Variants in CLIC5 observed in about 807,000 individuals in gnomAD.
CLIC5 encodes CLIC family member 5, also known as chloride intracellular channel protein 5.
A neutral mutation model predicts 24.7 loss-of-function variants in CLIC5; 20 were observed. The ratio of observed to expected loss-of-function variants is 0.81; its 90% confidence interval spans 0.57 to 1.18. CLIC5 has a LOEUF of 1.18. CLIC5 is among the 50% of genes most tolerant of loss of function. The pLI is 0.00. For missense variants in CLIC5, 341 were observed against 326.1 expected (o/e 1.05, Z -0.35); for synonymous variants, 159 against 135.6 (o/e 1.17, Z -1.20).
intron 1 of CLIC5, among the ~76,000 whole-genome samples, chr6:46,074,181 G>A (rs1159478874): frequency 6.6e-6 from 1 of 152,050 alleles, no homozygotes; most frequent in Non-Finnish European, 1.5e-5. Flanking sequence ...ATATACTACT[G>A]TAAGAGTACA....
At chr6:45,975,163 C>T (rs147512978) in intron 1 of CLIC5, among the ~76,000 whole-genome samples, 132 of 152,222 alleles carry the variant, frequency 8.7e-4, no homozygotes, top group African/African-American at 2.9e-3. Flanking sequence ...TTTACTTGTG[C>T]CTCCAAAGGC....
chr6:45,957,390 G>T (rs1764680617), intron 1 of CLIC5, among the ~76,000 whole-genome samples: 1 of 152,158 alleles, frequency 6.6e-6, no homozygotes, highest in Non-Finnish European at 1.5e-5. Flanking sequence ...GGCACAGAGA[G>T]ATAAAATAAC....
chr6:46,078,786 A>G (rs1762843037), intron 1 of CLIC5, among the ~76,000 whole-genome samples: 1 of 152,214 alleles, frequency 6.6e-6, no homozygotes, highest in Non-Finnish European at 1.5e-5. Flanking sequence ...ATTAGAGAAA[A>G]GAACAAATTA....
intron 4 of CLIC5, among the ~76,000 whole-genome samples, chr6:45,917,810 A>T (rs990095024): frequency 1.3e-5 from 2 of 152,214 alleles, no homozygotes; most frequent in Admixed American, 1.3e-4. Flanking sequence ...AACTATTTGA[A>T]CTTTCTGCTC....
chr6:45,958,441 T>TACACACACACACACACACACACAC (rs1554151283), intron 1 of CLIC5, among the ~76,000 whole-genome samples: 12 of 17,944 alleles, frequency 6.7e-4, no homozygotes, highest in Admixed American at 2.1e-3. Context: ...TATATATATA[T>TACACACACACACACACACACACAC]ATATATATAT....
At chr6:45,934,662 C>T (rs3777573) in intron 4 of CLIC5, among the ~76,000 whole-genome samples, 39,245 of 152,108 alleles carry the variant, frequency 0.26, 5,242 homozygotes, top group South Asian at 0.31. Flanking sequence ...AGGTGGTCAG[C>T]GTGAATAGAG....
rs773810121 is a variant in CLIC5, at chr6:46,015,819, G to C, written c.-277C>G. 1 of 1,169,038 alleles carries C rather than the reference G, an allele frequency of 8.6e-7. No homozygotes were observed. The highest frequency in any genetic ancestry group is 1.1e-6 in the Non-Finnish European group (1 of 947,152). The allele number at this position is 1,169,038 out of a possible 1,614,324, so 72.4% of individuals were successfully genotyped here. A position where few individuals can be genotyped will look rare whatever the true frequency, so the allele number is the denominator to read the frequency against. On this transcript the variant is annotated 5_prime_UTR_variant, in exon 1 of 6. Coordinates refer to ENST00000339561, the MANE Select transcript of CLIC5 (RefSeq NM_016929.5). ...ACAACAGGTCGTGGGAGCAACAAGT[G>C]CCGGGCTGCCCGGAGGTGTCACAGG...
intron 1 of CLIC5, among the ~76,000 whole-genome samples, chr6:45,961,862 A>G (rs1764853737): frequency 6.6e-6 from 1 of 152,176 alleles, no homozygotes; most frequent in African/African-American, 2.4e-5. Flanking sequence ...GGTAACAGGT[A>G]TACATTTGAG....
chr6:46,121,777 A>G, the CLIC5 span, among the ~76,000 whole-genome samples: 1 of 152,196 alleles, frequency 6.6e-6, no homozygotes, highest in African/African-American at 2.4e-5. Context: ...CAGGGGTTGC[A>G]ATCCTAGTCT....
chr6:45,994,584 G>T (rs549238896), intron 1 of CLIC5, among the ~76,000 whole-genome samples: 1 of 151,974 alleles, frequency 6.6e-6, no homozygotes, highest in East Asian at 1.9e-4. Context: ...AAACCTGCAC[G>T]TTCTGCACGT....
intron 1 of CLIC5, among the ~76,000 whole-genome samples, chr6:46,079,533 G>A (rs1488285391): frequency 1.3e-5 from 2 of 152,176 alleles, no homozygotes; most frequent in African/African-American, 2.4e-5. Flanking sequence ...CTAATTTTGT[G>A]AAGAGCTGAG....
intron 4 of CLIC5, among the ~76,000 whole-genome samples, chr6:45,925,431 C>T (rs892350494): frequency 1.4e-4 from 21 of 151,978 alleles, no homozygotes; most frequent in African/African-American, 4.8e-4. Flanking sequence ...ATTCTTCTGC[C>T]TCAGCCTCCC....
chr6:46,042,856 C>T (rs939538857), intron 1 of CLIC5, among the ~76,000 whole-genome samples: 2 of 152,126 alleles, frequency 1.3e-5, no homozygotes, highest in Non-Finnish European at 2.9e-5. Flanking sequence ...AAGCTAGAAT[C>T]CAGACCTCAG....
the CLIC5 span, among the ~76,000 whole-genome samples, chr6:46,095,072 G>T: frequency 6.6e-6 from 1 of 152,160 alleles, no homozygotes; most frequent in Non-Finnish European, 1.5e-5. Context: ...CAATACCCAG[G>T]CCCCTTTAAG....
In CLIC5 at chr6:45,902,077, A is replaced by G. The variant is rs943847816; in HGVS notation, c.*1011T>C. 7.2e-5 allele frequency: 11 copies of G among 152,650 alleles called. No homozygotes were observed. Among genetic ancestry groups the G allele is most frequent in the African/African-American group, 2.4e-4 (10 of 41,458 alleles). 9.5% of individuals were successfully genotyped at this position (152,650 alleles called of 1,614,324 possible). A position where few individuals can be genotyped will look rare whatever the true frequency, so the allele number is the denominator to read the frequency against. ...TTTTTACTGTAAGGTTAGCAGTTAC[A>G]TGATGCCACCAGTCCAAGACTTAGA... On this transcript the variant is annotated 3_prime_UTR_variant, in exon 6 of 6. Coordinates refer to ENST00000339561, the MANE Select transcript of CLIC5 (RefSeq NM_016929.5).
chr6:46,042,886 T>C (rs1261402817), intron 1 of CLIC5, among the ~76,000 whole-genome samples: 1 of 152,182 alleles, frequency 6.6e-6, no homozygotes, highest in East Asian at 1.9e-4. Flanking sequence ...CCTTCTGTGC[T>C]CTACTACATG....
chr6:46,048,674 G>A (rs1339446306), intron 1 of CLIC5, among the ~76,000 whole-genome samples: 1 of 152,092 alleles, frequency 6.6e-6, no homozygotes, highest in African/African-American at 2.4e-5. Flanking sequence ...CCTGATCAGA[G>A]CCCTGGCCTT....
At chr6:46,016,291 G>T (rs1039932877), upstream of CLIC5, among the ~76,000 whole-genome samples, 1 of 152,100 alleles carries the variant, frequency 6.6e-6, no homozygotes, top group Non-Finnish European at 1.5e-5. Flanking sequence ...CAGCTCCTCC[G>T]AGTTACTCCA....
At chr6:45,892,877 C>T (rs1762365004) in intron 6 of CLIC5, among the ~76,000 whole-genome samples, 2 of 152,180 alleles carry the variant, frequency 1.3e-5, no homozygotes, top group Admixed American at 6.6e-5. Context: ...TGGCTTTCTG[C>T]CTTGATGCAT....
Sources: gnomAD v4.1 joint callset for allele counts (sites outside exome capture counted in the v4.1 genomes callset) on GRCh38, gnomAD v4.1.1 for gene constraint, MANE v1.5 for transcripts, NCBI Gene and HGNC (gene_info 2026-07-23, HGNC 2026-07-21) for gene names.